CAPN10: variants seen among roughly 807,000 people sequenced by gnomAD.
CAPN10 encodes calpain-10.
CAPN10 carries 71 observed loss-of-function variants against 78.4 expected under a neutral mutation model. That is an observed-to-expected ratio of 0.91 (90% CI 0.75 to 1.10). The LOEUF is 1.10. Ranked by LOEUF, CAPN10 falls within the 50% of genes least tolerant of loss-of-function variation. CAPN10 has a pLI of 0.00. For missense variants in CAPN10, 849 were observed against 924.6 expected (o/e 0.92, Z 1.06); for synonymous variants, 437 against 407.2 (o/e 1.07, Z -0.88).
Position 240,595,253 on chromosome 2 carries a change from A to G in CAPN10, c.1227A>G (p.Pro409=). Residue 409 remains proline (P), a synonymous_variant, in exon 7 of 12, where the codon CCA becomes CCG. Transcript: ENST00000391984. ...LVGDSHTSWS[P]ASIPGKHYQA... The stretch of plus-strand genomic sequence containing the variant: ...GTGACAGTCATACTTCGTGGAGCCC[A>G]GCGAGCATCCCGGGCAAGCACTACC... 6.2e-7 allele frequency: 1 copy of G among 1,613,662 alleles called. No individual in the cohort carries two copies. The highest frequency in any genetic ancestry group is 8.5e-7 in the Non-Finnish European group (1 of 1,180,028).
rs374903158 is a variant in CAPN10 at position 240,597,941 on chromosome 2, G to T, written c.1797G>T (p.Pro599=). ...QDAPPLLLQE[P]LLSCVPHRYA... is the part of the protein sequence containing the mutation. The stretch of plus-strand genomic sequence containing the variant: ...CACCCCCACTGCTGCTGCAGGAGCC[G>T]CTGCTGAGCTGCGTGCCACATCGCT... The change falls in exon 10 of 12, where the codon CCG becomes CCT. Residue 599 remains proline (P), a synonymous_variant. Coordinates refer to ENST00000391984, the MANE Select transcript of CAPN10 (RefSeq NM_023083.4). 6 of 1,612,578 alleles carry T rather than the reference G, an allele frequency of 3.7e-6. No homozygotes were observed. The highest frequency in any genetic ancestry group is 2.7e-5 in the African/African-American group (2 of 75,034).
intron 10 of CAPN10, 40 bp downstream of exon 10, chr2:240,598,127 G>A (rs750313422): frequency 3.2e-6 from 5 of 1,564,072 alleles, no homozygotes; most frequent in Non-Finnish European, 2.6e-6. Context: ...CTGGAGGCTG[G>A]GGTGCTGGAG....
Position 240,598,701 on chromosome 2 carries a change from G to A in CAPN10, c.*21G>A. 6.4e-7 allele frequency: 1 copy of A among 1,566,860 alleles called. No individual in the cohort carries two copies. The highest frequency in any genetic ancestry group is 8.7e-7 in the Non-Finnish European group (1 of 1,155,184). ...CCTAACAGGGTGGCCCCCTGTGCCA[G>A]CTCAGGTGACTGGAGCCCGAGGGCC... On this transcript the variant is annotated 3_prime_UTR_variant, in exon 12 of 12. Coordinates refer to ENST00000391984, the MANE Select transcript of CAPN10 (RefSeq NM_023083.4).
intron 1 of CAPN10, among the ~76,000 whole-genome samples, chr2:240,588,895 C>T (rs1003356377): frequency 3.3e-5 from 5 of 151,950 alleles, no homozygotes; most frequent in Non-Finnish European, 7.4e-5. Flanking sequence ...AAGGTCGAAG[C>T]TCAGAGGGGT....
At chr2:240,589,641 CT>C in intron 2 of CAPN10, 167 bp downstream of exon 2, 1 of 850,820 alleles carries the variant, frequency 1.2e-6, no homozygotes, top group Non-Finnish European at 1.8e-6. Flanking sequence ...GAGGACTGCA[CT>C]CTGTCCCTCT....
intron 4 of CAPN10, 190 bp downstream of exon 4, chr2:240,592,340 C>A (rs975838923): frequency 1.5e-6 from 1 of 671,958 alleles, no homozygotes; most frequent in South Asian, 1.7e-5. Context: ...TCCAGAGGGA[C>A]GTGGCCCTTC....
intron 4 of CAPN10, chr2:240,592,757 TCA>T (rs1445010754): frequency 3.5e-5 from 10 of 288,310 alleles, no homozygotes; most frequent in Non-Finnish European, 6.8e-5. Flanking sequence ...GCACCGCTTC[TCA>T]CACTGCCACA....
chr2:240,598,536 T>C, intron 11 of CAPN10, 115 bp from the exon 12 acceptor site: 1 of 1,445,602 alleles, frequency 6.9e-7, no homozygotes. Flanking sequence ...CCCCGGGCGG[T>C]GCCTTGAAGG....
At chr2:240,595,365 T>TCTGGGTTC (rs1290320993) in intron 7 of CAPN10, 61 bp downstream of exon 7, 1 of 1,561,318 alleles carries the variant, frequency 6.4e-7, no homozygotes, top group African/African-American at 1.4e-5. Context: ...CCCATGGAGG[T>TCTGGGTTC]CTGGGTTCTA....
At chr2:240,589,902 G>A (rs1219734149) in intron 2 of CAPN10, 4 of 163,242 alleles carry the variant, frequency 2.5e-5, no homozygotes, top group African/African-American at 9.6e-5. Flanking sequence ...ACCTGTTTCT[G>A]TGGGTAGACA....
intron 7 of CAPN10, 62 bp from the exon 8 acceptor site, chr2:240,596,257 C>G (rs1047535074): frequency 2.6e-6 from 4 of 1,530,882 alleles, no homozygotes; most frequent in Non-Finnish European, 1.8e-6. Context: ...GCAGGGAGGT[C>G]AAGGCCAGGG....
intron 7 of CAPN10, chr2:240,595,847 G>A (rs184050089): frequency 3.5e-5 from 32 of 913,410 alleles, no homozygotes; most frequent in African/African-American, 1.2e-4. Context: ...AGATGGGGGC[G>A]CCTGAGGGCA....
At chr2:240,598,128 G>A (rs1171467192) in intron 10 of CAPN10, 41 bp downstream of exon 10, 1 of 1,560,890 alleles carries the variant, frequency 6.4e-7, no homozygotes, top group South Asian at 1.2e-5. Context: ...TGGAGGCTGG[G>A]GTGCTGGAGT....
chr2:240,593,540 G>A (rs1426133765), intron 4 of CAPN10, among the ~76,000 whole-genome samples: 1 of 152,244 alleles, frequency 6.6e-6, no homozygotes, highest in Non-Finnish European at 1.5e-5. Flanking sequence ...ACACTCTCTA[G>A]ATTTCTGGCA....
rs1482678432 is a variant in CAPN10 at position 240,598,902 on chromosome 2, T to C, written c.*222T>C. 3.4e-6 allele frequency: 2 copies of C among 589,942 alleles called. No individual in the cohort carries two copies. The highest frequency in any genetic ancestry group is 3.7e-5 in the African/African-American group (2 of 53,560). The allele number at this position is 589,942 out of a possible 1,614,324, so 36.5% of individuals were successfully genotyped here. A position where few individuals can be genotyped will look rare whatever the true frequency, so the allele number is the denominator to read the frequency against. ...GTGCTGCAAGGAAGGGTGGGAAGCT[T>C]GCTGGCTTCTGTTGCGCCACTGAGA... On this transcript the variant is annotated 3_prime_UTR_variant, in exon 12 of 12. Coordinates refer to ENST00000391984, the MANE Select transcript of CAPN10 (RefSeq NM_023083.4).
intron 5 of CAPN10, 22 bp from the exon 6 acceptor site, chr2:240,594,521 G>T (rs1232208997): frequency 1.2e-6 from 2 of 1,604,906 alleles, no homozygotes; most frequent in African/African-American, 2.7e-5. Flanking sequence ...AGGGGCTTCT[G>T]CTGAGATGAG....
Position 240,596,717 on chromosome 2 carries a change from G to T in CAPN10, c.1518G>T (p.Gly506=), listed in dbSNP as rs754341912. 1 of 1,577,562 alleles carries T rather than the reference G, an allele frequency of 6.3e-7. No individual in the cohort carries two copies. The highest frequency in any genetic ancestry group is 2.2e-5 in the East Asian group (1 of 44,572). ...IRAVAKNTTP[G]AALPAGEWGT... ...CAGTGGCCAAGAACACCACCCCCGG[G>T]GCAGCCCTGCCTGCGGGGGAGTGGG... Residue 506 remains glycine (G), a synonymous_variant, in exon 9 of 12, where the codon GGG becomes GGT. Transcript: ENST00000391984.
rs1005044855 is a variant in CAPN10 at position 240,598,378 on chromosome 2, T to C, written c.1970T>C (p.Leu657Pro). ...DRPSIHSQEM[L>P]GQFLQEVSIM... is the part of the protein sequence containing the mutation. ...CCATCCATTCACAGCCAGGAGATGC[T>C]GGGCCAGTTCCTCCAAGAGGTGTGT... Residue 657 changes from leucine (L) to proline (P), a missense_variant, in exon 11 of 12, where the codon CTG becomes CCG. Physicochemically the swap from Leu to Pro is moderately conservative, Grantham distance 98. Transcript: ENST00000391984. 6.2e-7 allele frequency: 1 copy of C among 1,613,830 alleles called. No homozygotes were observed. Among genetic ancestry groups the C allele is most frequent in the African/African-American group, 1.3e-5 (1 of 75,046 alleles).
chr2:240,587,583 C>T (rs1168963507), intron 1 of CAPN10, among the ~76,000 whole-genome samples: 2 of 152,236 alleles, frequency 1.3e-5, no homozygotes, highest in African/African-American at 4.8e-5. Flanking sequence ...GGTTTATCTG[C>T]TGAATAAGAC....
Sources: gnomAD v4.1 joint callset for allele counts (sites outside exome capture counted in the v4.1 genomes callset) on GRCh38, gnomAD v4.1.1 for gene constraint, MANE v1.5 for transcripts, NCBI Gene and HGNC (gene_info 2026-07-23, HGNC 2026-07-21) for gene names.